ADAMTS17: variants seen among roughly 807,000 people sequenced by gnomAD.
ADAMTS17 encodes the protein A disintegrin and metalloproteinase with thrombospondin motifs 17.
A neutral mutation model predicts 141.5 loss-of-function variants in ADAMTS17; 113 were observed. The observed-to-expected ratio is 0.80, with a 90% CI of 0.69 to 0.93. The LOEUF (loss-of-function observed/expected upper bound fraction) is 0.93, where lower values mean the gene tolerates loss of function less well. Among genes scored for constraint, ADAMTS17 ranks in the 40% least tolerant of loss-of-function variants. ADAMTS17 has a pLI of 0.00. For synonymous variants in ADAMTS17, 768 were observed against 630.6 expected (o/e 1.22, Z -3.27); for missense variants, 1,659 against 1,517.9 (o/e 1.09, Z -1.54).
intron 3 of ADAMTS17, among the ~76,000 whole-genome samples, chr15:100,318,388 G>A: frequency 6.6e-6 from 1 of 151,960 alleles, no homozygotes; most frequent in East Asian, 1.9e-4. Flanking sequence ...GAAGCCTTTG[G>A]GAGGTGATTA....
At chr15:100,294,497 G>C (rs938277793) in intron 3 of ADAMTS17, among the ~76,000 whole-genome samples, 1 of 152,050 alleles carries the variant, frequency 6.6e-6, no homozygotes, top group African/African-American at 2.4e-5. Flanking sequence ...AGCTATGTGA[G>C]GCCAAGGTAG....
At chr15:100,085,519 G>C (rs1212797663) in intron 15 of ADAMTS17, among the ~76,000 whole-genome samples, 5 of 151,876 alleles carry the variant, frequency 3.3e-5, no homozygotes, top group Non-Finnish European at 5.9e-5. Context: ...CTCGAGAAGA[G>C]CGACTCCAAG....
At chr15:100,185,690 G>A (rs942697336) in intron 8 of ADAMTS17, among the ~76,000 whole-genome samples, 32 of 152,166 alleles carry the variant, frequency 2.1e-4, no homozygotes, top group African/African-American at 5.8e-4. Context: ...CGGGGGCTGC[G>A]CAGAGATCCC....
At chr15:100,274,283 C>T (rs939072815) in intron 4 of ADAMTS17, among the ~76,000 whole-genome samples, 1 of 152,136 alleles carries the variant, frequency 6.6e-6, no homozygotes, top group African/African-American at 2.4e-5. Flanking sequence ...AAATCTCCAA[C>T]TATTATTGTA....
chr15:100,168,003 G>A (rs753377266), intron 8 of ADAMTS17, among the ~76,000 whole-genome samples: 6 of 152,166 alleles, frequency 3.9e-5, no homozygotes, highest in Admixed American at 1.3e-4. Flanking sequence ...AGAAAGTGGC[G>A]AAGCCGTGTA....
intron 3 of ADAMTS17, among the ~76,000 whole-genome samples, chr15:100,284,371 G>A (rs369977590): frequency 2.0e-5 from 3 of 152,162 alleles, no homozygotes; most frequent in African/African-American, 4.8e-5. Context: ...GCACACAGGT[G>A]GGGGGAAATA....
At chr15:100,331,878 T>C (rs1041121340) in intron 2 of ADAMTS17, among the ~76,000 whole-genome samples, 1 of 152,102 alleles carries the variant, frequency 6.6e-6, no homozygotes, top group Non-Finnish European at 1.5e-5. Flanking sequence ...GAAGTTTCCA[T>C]GTAATACAGG....
chr15:100,132,290 C>T, intron 11 of ADAMTS17, 138 bp from the exon 12 acceptor site: 1 of 1,238,634 alleles, frequency 8.1e-7, no homozygotes, highest in Non-Finnish European at 1.1e-6. Context: ...TCAGGGTTTG[C>T]ACGTTTGCTA....
intron 2 of ADAMTS17, 132 bp from the exon 3 acceptor site, chr15:100,331,186 T>C: frequency 8.8e-7 from 1 of 1,142,274 alleles, no homozygotes. Context: ...TCTTTGCAGA[T>C]TGGTCAGATT....
At chr15:100,049,089 ATGGTCACT>A (rs1302356755) in intron 17 of ADAMTS17, 97 bp from the exon 18 acceptor site, 9 of 1,580,220 alleles carry the variant, frequency 5.7e-6, no homozygotes, top group Non-Finnish European at 7.8e-6. Flanking sequence ...GGTGCTGCTG[ATGGTCACT>A]TGGTCATTTA....
chr15:100,216,278 T>C (rs1217326190), intron 7 of ADAMTS17, among the ~76,000 whole-genome samples: 1 of 152,260 alleles, frequency 6.6e-6, no homozygotes, highest in Non-Finnish European at 1.5e-5. Context: ...TCCAAATTTT[T>C]TCTTAAAGTT....
intron 16 of ADAMTS17, among the ~76,000 whole-genome samples, chr15:100,053,236 T>A (rs1445448209): frequency 6.6e-6 from 1 of 152,184 alleles, no homozygotes; most frequent in Non-Finnish European, 1.5e-5. Flanking sequence ...CTCCATTCCC[T>A]GGAGATCTCT....
chr15:100,104,899 T>A (rs899130243), intron 14 of ADAMTS17, among the ~76,000 whole-genome samples: 3 of 152,246 alleles, frequency 2.0e-5, no homozygotes, highest in African/African-American at 7.2e-5. Flanking sequence ...TATATTTGAA[T>A]TGAATTTGTG....
intron 13 of ADAMTS17, among the ~76,000 whole-genome samples, chr15:100,112,608 A>G (rs1430811698): frequency 6.6e-6 from 1 of 152,146 alleles, no homozygotes; most frequent in Non-Finnish European, 1.5e-5. Flanking sequence ...TGCACCCAGC[A>G]TCAACACTCT....
chr15:100,128,587 T>C (rs1162976663), intron 12 of ADAMTS17: 1 of 152,146 alleles, frequency 6.6e-6, no homozygotes, highest in African/African-American at 2.4e-5. Flanking sequence ...GCCACGACTA[T>C]CATGGCGAGG....
At chr15:100,319,201 C>T (rs1340182964) in intron 3 of ADAMTS17, among the ~76,000 whole-genome samples, 1 of 152,180 alleles carries the variant, frequency 6.6e-6, no homozygotes, top group African/African-American at 2.4e-5. Context: ...GCTGAAGCAG[C>T]CAAGAGCAGA....
intron 14 of ADAMTS17, among the ~76,000 whole-genome samples, chr15:100,101,307 C>CACGT (rs1156635449): frequency 1.3e-5 from 2 of 152,204 alleles, no homozygotes; most frequent in Non-Finnish European, 2.9e-5. Context: ...CTGGAATGAT[C>CACGT]ACGTTTGTGA....
At chr15:100,158,588 C>A (rs781710828) in intron 8 of ADAMTS17, among the ~76,000 whole-genome samples, 5 of 149,104 alleles carry the variant, frequency 3.4e-5, no homozygotes, top group Non-Finnish European at 7.5e-5. Flanking sequence ...AGCAGCTCCC[C>A]CTTCCTCCTC....
At chr15:100,263,075 C>T (rs963426504) in intron 4 of ADAMTS17, among the ~76,000 whole-genome samples, 3 of 152,064 alleles carry the variant, frequency 2.0e-5, no homozygotes, top group African/African-American at 4.8e-5. Context: ...AAAAAAACCA[C>T]GCATACGAAA....
Sources: gnomAD v4.1 joint callset for allele counts (sites outside exome capture counted in the v4.1 genomes callset) on GRCh38, gnomAD v4.1.1 for gene constraint, MANE v1.5 for transcripts, NCBI Gene and HGNC (gene_info 2026-07-23, HGNC 2026-07-21) for gene names.